The following IL33 variants were observed in gnomAD, a reference collection of about 807,000 sequenced individuals.
The protein encoded by IL33 is interleukin-33.
In IL33, 37 loss-of-function variants were observed where a neutral mutation model predicts 27.3. That is an observed-to-expected ratio of 1.36 (90% CI 1.04 to 1.78). IL33 has a LOEUF of 1.78. IL33 is among the 40% of genes most tolerant of loss of function. The pLI is 0.00. For synonymous variants in IL33, 132 were observed against 102.9 expected (o/e 1.28, Z -1.71); for missense variants, 406 against 311.4 (o/e 1.30, Z -2.29).
rs765444262 is a variant in IL33, at chr9:6,220,846, G to A, written c.-12+4994G>A. ...ACAACTCACTGCAGCCTTGACATCC[G>A]GGGCTCAGGCTATCCTCCCACCTCA... On this transcript the variant is annotated intron_variant, in intron 1 of 7. Transcript: ENST00000682010. Among the ~76,000 whole-genome samples the A allele has an allele frequency of 6.6e-5, 10 of 152,120 alleles. No individual in the cohort carries two copies. In the South Asian group the frequency reaches 8.3e-4, roughly 13 times the overall value.
chr9:6,250,644 T>C (rs751534598), intron 3 of IL33, 45 bp downstream of exon 3: 9 of 1,587,508 alleles, frequency 5.7e-6, no homozygotes, highest in Non-Finnish European at 8.6e-7. Flanking sequence ...TAAGTATCTG[T>C]TTGCCTTCAC....
At chr9:6,254,955 C>T (rs1816643738) in intron 7 of IL33, among the ~76,000 whole-genome samples, 1 of 152,116 alleles carries the variant, frequency 6.6e-6, no homozygotes, top group Non-Finnish European at 1.5e-5. Flanking sequence ...TTAGGAACTA[C>T]TATGTTCCTC....
At chr9:6,227,004 G>A (rs1259623453) in intron 1 of IL33, among the ~76,000 whole-genome samples, 1 of 152,216 alleles carries the variant, frequency 6.6e-6, no homozygotes, top group Non-Finnish European at 1.5e-5. Flanking sequence ...TCTATTTCAG[G>A]CTTTTGGAAG....
At chr9:6,240,219 A>G (rs1819452046) in intron 1 of IL33, among the ~76,000 whole-genome samples, 2 of 152,198 alleles carry the variant, frequency 1.3e-5, no homozygotes, top group African/African-American at 2.4e-5. Flanking sequence ...CATGTGCTCA[A>G]AGTGGTTGGT....
At position 6,256,093 on chromosome 9, in the gene IL33, T is replaced by C. The variant is rs1232013458; in HGVS notation, c.738T>C (p.His246=). The change falls in exon 8 of 8, where the codon CAT becomes CAC. Residue 246 remains histidine (H), a synonymous_variant. Transcript: ENST00000682010. ...TGTTTATAGGTGTAAAGGATAATCATCTTGCTCTGATTAAAGTAGACTCTT... is the reference window on the plus strand; with the variant it reads ...TGTTTATAGGTGTAAAGGATAATCACCTTGCTCTGATTAAAGTAGACTCTT... ...PGVFIGVKDN[H]LALIKVDSSE... is the part of the protein sequence containing the mutation. 2.5e-6 allele frequency: 4 copies of C among 1,612,936 alleles called. No homozygotes were observed. The highest frequency in any genetic ancestry group is 3.4e-6 in the Non-Finnish European group (4 of 1,179,104).
intron 2 of IL33, among the ~76,000 whole-genome samples, chr9:6,246,181 A>G (rs182668186): frequency 1.9e-3 from 288 of 152,022 alleles, no homozygotes; most frequent in African/African-American, 6.6e-3. Context: ...AGAAAAAGAT[A>G]AAGACATTTT....
chr9:6,256,155 T>G lies in IL33; in HGVS notation c.800T>G (p.Leu267Arg), dbSNP rs748782851. 3 of 1,612,716 alleles carry G rather than the reference T, an allele frequency of 1.9e-6. No individual in the cohort carries two copies. The East Asian group carries it at 6.7e-5, about 36-fold the overall frequency. ...TGTACTGAAAATATCTTGTTTAAGCTCTCTGAAACTTAGTTGATGGAAACC... is the reference window on the plus strand; with the variant it reads ...TGTACTGAAAATATCTTGTTTAAGCGCTCTGAAACTTAGTTGATGGAAACC... Reference protein sequence around the residue: ...NLCTENILFKLSET With the variant: ...NLCTENILFKRSET The change falls in exon 8 of 8, where the codon CTC becomes CGC. Residue 267 changes from leucine (L) to arginine (R), a missense_variant. Coordinates refer to ENST00000682010, the MANE Select transcript of IL33 (RefSeq NM_033439.4).
chr9:6,250,699 C>T lies in IL33; in HGVS notation c.217+100C>T, dbSNP rs187894844. ...AATTATTTTTCCTCACTCCAAGGTTCCTTTTGGAAAATATTAAGAATGATG... is the reference window on the plus strand; with the variant it reads ...AATTATTTTTCCTCACTCCAAGGTTTCTTTTGGAAAATATTAAGAATGATG... On this transcript the variant is annotated intron_variant, in intron 3 of 7. Coordinates refer to ENST00000682010, the MANE Select transcript of IL33 (RefSeq NM_033439.4). The T allele has an allele frequency of 2.1e-5, 29 of 1,373,882 alleles. No homozygotes were observed. In the East Asian group the frequency reaches 6.7e-4, roughly 32 times the overall value. 85.1% of individuals were successfully genotyped at this position (1,373,882 alleles called of 1,614,324 possible). A position where few individuals can be genotyped will look rare whatever the true frequency, so the allele number is the denominator to read the frequency against.
At chr9:6,246,517 G>A (rs143038592) in intron 2 of IL33, among the ~76,000 whole-genome samples, 8,171 of 151,770 alleles carry the variant, frequency 0.054, 701 homozygotes, top group African/African-American at 0.18. Context: ...AGCCAAGATT[G>A]CACCACTGCA....
chr9:6,221,460 C>T (rs960155302), intron 1 of IL33, among the ~76,000 whole-genome samples: 1 of 152,186 alleles, frequency 6.6e-6, no homozygotes, highest in Non-Finnish European at 1.5e-5. Context: ...AGAATTTCTG[C>T]TCAGTGCTAT....
intron 1 of IL33, among the ~76,000 whole-genome samples, chr9:6,216,514 C>T (rs9919010): frequency 2.0e-3 from 301 of 152,176 alleles, no homozygotes; most frequent in African/African-American, 6.9e-3. Context: ...GTGGGTGAAT[C>T]GCCTGAGGTC....
chr9:6,239,370 C>G (rs974252726), intron 1 of IL33, among the ~76,000 whole-genome samples: 1 of 152,046 alleles, frequency 6.6e-6, no homozygotes, highest in Admixed American at 6.6e-5. Flanking sequence ...ATTCTATCCC[C>G]AACACGTGCA....
chr9:6,252,962 T>A lies in IL33; in HGVS notation c.440T>A (p.Val147Asp). Residue 147 changes from valine to aspartate, a missense_variant, in exon 5 of 8, where the codon GTT becomes GAT. Physicochemically the swap from Val to Asp is radical, Grantham distance 152. Transcript: ENST00000682010. ...ALEDESYEIY[V>D]EDLKKDEKKD... Reference sequence around the variant, plus strand: ...GAGGATGAAAGTTATGAGATATATGTTGAAGACTTGAAAAAAGATGAAAAG... The same window carrying A: ...GAGGATGAAAGTTATGAGATATATGATGAAGACTTGAAAAAAGATGAAAAG... 1 of 1,561,150 alleles carries A rather than the reference T, an allele frequency of 6.4e-7. No homozygotes were observed. Among genetic ancestry groups the A allele is most frequent in the East Asian group, 2.3e-5 (1 of 44,276 alleles).
intron 4 of IL33, among the ~76,000 whole-genome samples, 192 bp downstream of exon 4, chr9:6,251,457 C>T (rs900835079): frequency 1.3e-5 from 2 of 152,110 alleles, no homozygotes; most frequent in Non-Finnish European, 2.9e-5. Context: ...TAATAATGTA[C>T]ATGCATTCTC....
intron 1 of IL33, among the ~76,000 whole-genome samples, chr9:6,238,617 CT>C (rs1819362617): frequency 6.6e-6 from 1 of 152,170 alleles, no homozygotes; most frequent in Non-Finnish European, 1.5e-5. Context: ...ACTCAATGCT[CT>C]TCTTTTAACT....
In IL33 at chr9:6,257,822, A is replaced by G. The variant is rs1029668999; in HGVS notation, c.*1654A>G. On this transcript the variant is annotated 3_prime_UTR_variant, in exon 8 of 8. Coordinates refer to ENST00000682010, the MANE Select transcript of IL33 (RefSeq NM_033439.4). ...TTTCATTGTTCTGTCAATAATTGTT[A>G]CCAAAGAGATAAAAATAAAAGCAGA... 1 of 152,214 alleles carries G rather than the reference A, an allele frequency of 6.6e-6. No homozygotes were observed. Among genetic ancestry groups the G allele is most frequent in the African/African-American group, 2.4e-5 (1 of 41,468 alleles). 9.4% of individuals were successfully genotyped at this position (152,214 alleles called of 1,614,324 possible).
chr9:6,250,733 T>C (rs1429634820), intron 3 of IL33, 134 bp downstream of exon 3: 3 of 1,002,050 alleles, frequency 3.0e-6, no homozygotes, highest in Non-Finnish European at 4.2e-6. Context: ...TGAACTGGTT[T>C]TTAGCTATTT....
chr9:6,232,338 C>T (rs1280969956), intron 1 of IL33, among the ~76,000 whole-genome samples: 1 of 152,042 alleles, frequency 6.6e-6, no homozygotes, highest in Non-Finnish European at 1.5e-5. Context: ...AATGAAAATA[C>T]CTCATATATT....
At position 6,256,276 on chromosome 9, in the gene IL33, T is replaced by G. The variant is rs1394051017; in HGVS notation, c.*108T>G. 3 of 748,844 alleles carry G rather than the reference T, an allele frequency of 4.0e-6. No homozygotes were observed. The highest frequency in any genetic ancestry group is 6.7e-6 in the Non-Finnish European group (3 of 450,228). The allele number at this position is 748,844 out of a possible 1,614,324, so 46.4% of individuals were successfully genotyped here. A position where few individuals can be genotyped will look rare whatever the true frequency, so the allele number is the denominator to read the frequency against. ...GACATCTAAGGGAAATGAAGAGTGC[T>G]TAGCATGTGTGGAATGTTTTCCATA... On this transcript the variant is annotated 3_prime_UTR_variant, in exon 8 of 8. Transcript: ENST00000682010.
Sources: allele counts gnomAD v4.1 joint callset (sites outside exome capture counted in the v4.1 genomes callset), GRCh38; gene constraint gnomAD v4.1.1; transcripts MANE v1.5; gene names NCBI Gene and HGNC (gene_info 2026-07-23, HGNC 2026-07-21).